Variants in GMEB2 observed in about 807,000 individuals in gnomAD.
The protein encoded by GMEB2 is glucocorticoid modulatory element-binding protein 2.
Under a neutral mutation model 45.7 loss-of-function variants are expected in GMEB2, and 7 were observed. The observed-to-expected ratio is 0.15, with a 90% CI of 0.09 to 0.29. The LOEUF (loss-of-function observed/expected upper bound fraction) is 0.29, where lower values mean the gene tolerates loss of function less well. Ranked by LOEUF, GMEB2 falls within the 10% of genes least tolerant of loss-of-function variation. The probability of loss-of-function intolerance (pLI) is 1.00; values close to 1 mark genes in which losing one functional copy is unlikely to be tolerated. For missense variants in GMEB2, 582 were observed against 739.2 expected (o/e 0.79, Z 2.47); for synonymous variants, 322 against 323.6 (o/e 1.00, Z 0.05).
chr20:63,614,356 A>G (rs1410986896), intron 2 of GMEB2, among the ~76,000 whole-genome samples: 2 of 152,190 alleles, frequency 1.3e-5, no homozygotes, highest in Admixed American at 6.5e-5. Flanking sequence ...CCAGAAGACA[A>G]GAGTGCGAGC....
intron 2 of GMEB2, among the ~76,000 whole-genome samples, chr20:63,617,332 A>C (rs960696201): frequency 1.3e-5 from 2 of 152,082 alleles, no homozygotes; most frequent in Non-Finnish European, 2.9e-5. Context: ...CTCCCTCTCC[A>C]TCATGAGGAC....
At chr20:63,606,348 ATT>A (rs34155777) in intron 2 of GMEB2, among the ~76,000 whole-genome samples, 5 of 139,630 alleles carry the variant, frequency 3.6e-5, no homozygotes, top group Admixed American at 7.2e-5. Flanking sequence ...ACCACAAACA[ATT>A]TTTTTTTTTT....
chr20:63,605,281 C>G (rs986662219), intron 2 of GMEB2, among the ~76,000 whole-genome samples: 8 of 151,720 alleles, frequency 5.3e-5, no homozygotes, highest in Non-Finnish European at 1.2e-4. Flanking sequence ...GCCTATAATC[C>G]CAGCAGTTTG....
chr20:63,612,128 C>T (rs901371447), intron 2 of GMEB2, among the ~76,000 whole-genome samples: 2 of 152,206 alleles, frequency 1.3e-5, no homozygotes, highest in Non-Finnish European at 2.9e-5. Flanking sequence ...AAAAATGGTT[C>T]TGACCCACAG....
chr20:63,602,997 C>G lies in GMEB2; in HGVS notation c.325G>C (p.Val109Leu). Residue 109 changes from valine to leucine, a missense_variant, in exon 4 of 10, where the codon GTG becomes CTG. Around this residue, in one of 3 missense-constraint regions of GMEB2, gnomAD observed 6 missense variants for 29.0 expected, o/e 0.21. Transcript: ENST00000370077. ...CATTTCACATTGATGCCGGGACACA[C>G]AAACTTCCTCCAGATGAGGTTGGCT... is the stretch of plus-strand genomic sequence containing the variant. ...SRANLIWRKF[V>L]CPGINVKCVQ... The G allele has an allele frequency of 6.2e-7, 1 of 1,614,164 alleles. No individual in the cohort carries two copies.
chr20:63,590,085 T>C lies in GMEB2; in HGVS notation c.*4A>G, dbSNP rs1438174675. 2.7e-6 allele frequency: 4 copies of C among 1,501,848 alleles called. No individual in the cohort carries two copies. In the African/African-American group the frequency reaches 5.6e-5, roughly 21 times the overall value. The allele number at this position is 1,501,848 out of a possible 1,614,324, so 93.0% of individuals were successfully genotyped here. On this transcript the variant is annotated 3_prime_UTR_variant, in exon 10 of 10. Coordinates refer to ENST00000370077, the MANE Select transcript of GMEB2 (RefSeq NM_012384.5). ...CCGTCCCAGGGGCCTCGCCCTCCTG[T>C]CGGCTACTTCCGCTCGTGGTCCTCT...
intron 1 of GMEB2, among the ~76,000 whole-genome samples, chr20:63,626,483 TTGTGGGTCGCGTCCCTGTGGGGTGGTCCC>T (rs1368131256): frequency 2.2e-3 from 36 of 16,608 alleles, no homozygotes; most frequent in Non-Finnish European, 5.0e-3. Context: ...GGGGTGGTCC[TTGTGGGTCGCGTCCCTGTGGGGTGGTCCC>T]TGTGGGTCGC....
At chr20:63,621,724 T>C (rs2089643781) in intron 1 of GMEB2, among the ~76,000 whole-genome samples, 1 of 149,698 alleles carries the variant, frequency 6.7e-6, no homozygotes, top group Non-Finnish European at 1.5e-5. Flanking sequence ...TTTTATGTTA[T>C]GTATATTTTA....
At chr20:63,621,408 G>A (rs2089641581) in intron 1 of GMEB2, among the ~76,000 whole-genome samples, 1 of 152,010 alleles carries the variant, frequency 6.6e-6, no homozygotes, top group South Asian at 2.1e-4. Context: ...GGGCGTGGTG[G>A]CTCACGCCTG....
intron 4 of GMEB2, among the ~76,000 whole-genome samples, chr20:63,601,800 C>A (rs1260172782): frequency 1.3e-5 from 2 of 152,096 alleles, no homozygotes; most frequent in Non-Finnish European, 2.9e-5. Flanking sequence ...CCTGTGGCTT[C>A]TGTGGGGCCT....
chr20:63,612,975 T>C (rs1033235152), intron 2 of GMEB2, among the ~76,000 whole-genome samples: 1 of 152,086 alleles, frequency 6.6e-6, no homozygotes, highest in Non-Finnish European at 1.5e-5. Flanking sequence ...TCTTTTTTTT[T>C]TTCGGAGACG....
Position 63,589,880 on chromosome 20 carries a change from T to A in GMEB2, c.*209A>T, listed in dbSNP as rs2083128302. The A allele has an allele frequency of 2.3e-6, 1 of 430,188 alleles. No individual in the cohort carries two copies. The highest frequency in any genetic ancestry group is 4.1e-6 in the Non-Finnish European group (1 of 244,112). The allele number at this position is 430,188 out of a possible 1,614,324, so 26.6% of individuals were successfully genotyped here. ...CCCAAGAAAAAAGGGGGAGGAAACG[T>A]GGGACCTGAAGACCGATTTTCCAGG... On this transcript the variant is annotated 3_prime_UTR_variant, in exon 10 of 10. Transcript: ENST00000370077.
chr20:63,611,963 G>A (rs1277170599), intron 2 of GMEB2, among the ~76,000 whole-genome samples: 1 of 152,090 alleles, frequency 6.6e-6, no homozygotes, highest in East Asian at 1.9e-4. Context: ...GGCTGAGGCA[G>A]GACGATTCCT....
Position 63,592,013 on chromosome 20 carries a change from T to G in GMEB2, c.952+9A>C. 4 of 1,606,750 alleles carry G rather than the reference T, an allele frequency of 2.5e-6. No individual in the cohort carries two copies. The highest frequency in any genetic ancestry group is 3.4e-6 in the Non-Finnish European group (4 of 1,178,366). ...CCCAGGGGACGGGACGGGGGTGGTCTCAGCATACCTGCCAGGTCCCGGGCG... is the reference window on the plus strand; with the variant it reads ...CCCAGGGGACGGGACGGGGGTGGTCGCAGCATACCTGCCAGGTCCCGGGCG... On this transcript the variant is annotated intron_variant, in intron 9 of 9. Transcript: ENST00000370077. The surrounding 1 kb of genome is among the most constrained non-coding windows in gnomAD (Gnocchi z 8.2).
At chr20:63,605,601 T>G (rs1044478813) in intron 2 of GMEB2, among the ~76,000 whole-genome samples, 5 of 149,880 alleles carry the variant, frequency 3.3e-5, no homozygotes, top group African/African-American at 1.2e-4. Flanking sequence ...GGTCTCGAGA[T>G]CACACATTTT....
intron 4 of GMEB2, among the ~76,000 whole-genome samples, chr20:63,599,101 AG>A (rs554370369): frequency 3.3e-4 from 50 of 152,280 alleles, no homozygotes; most frequent in African/African-American, 1.2e-3. Context: ...GAGCTGCCAG[AG>A]CCCAGAGCTA....
At chr20:63,606,372 G>A (rs2089519275) in intron 2 of GMEB2, among the ~76,000 whole-genome samples, 1 of 145,574 alleles carries the variant, frequency 6.9e-6, no homozygotes, top group African/African-American at 2.5e-5. Context: ...TTTTGAGACG[G>A]AGTCTCGCTC....
chr20:63,610,185 TATG>T (rs2089558287), intron 2 of GMEB2, among the ~76,000 whole-genome samples: 1 of 152,204 alleles, frequency 6.6e-6, no homozygotes, highest in Non-Finnish European at 1.5e-5. Context: ...CAGCCAACTG[TATG>T]ATGTGTGCAC....
At position 63,590,041 on chromosome 20, in the gene GMEB2, G is replaced by C. The variant is rs1336312362; in HGVS notation, c.*48C>G. The C allele has an allele frequency of 6.8e-7, 1 of 1,465,888 alleles. No homozygotes were observed. The highest frequency in any genetic ancestry group is 1.4e-5 in the African/African-American group (1 of 70,374). 90.8% of individuals were successfully genotyped at this position (1,465,888 alleles called of 1,614,324 possible). ...CTGCCCGCTCCCTGCTGCCGCGGCT[G>C]AGAGACAGCCAGCCCTGTCCGTCCC... On this transcript the variant is annotated 3_prime_UTR_variant, in exon 10 of 10. Transcript: ENST00000370077.
Sources: gnomAD v4.1 joint callset for allele counts (sites outside exome capture counted in the v4.1 genomes callset) on GRCh38, gnomAD v4.1.1 for gene constraint, gnomAD v4.1.1 regional missense constraint, Gnocchi (gnomAD v3.1) non-coding constraint, MANE v1.5 for transcripts, NCBI Gene and HGNC (gene_info 2026-07-23, HGNC 2026-07-21) for gene names.